The following GNA14 variants were observed in gnomAD, a reference collection of about 807,000 sequenced individuals.
GNA14 encodes G protein subunit alpha 14, also known as guanine nucleotide-binding protein subunit alpha-14.
Under a neutral mutation model 42.0 loss-of-function variants are expected in GNA14, and 50 were observed. The observed-to-expected ratio is 1.19, with a 90% confidence interval of 0.95 to 1.51. GNA14 has a LOEUF of 1.51. Ranked by LOEUF, GNA14 falls within the 40% of genes most tolerant of loss-of-function variation. GNA14 has a pLI of 0.00. For missense variants in GNA14, 473 were observed against 446.2 expected (o/e 1.06, Z -0.54); for synonymous variants, 173 against 163.1 (o/e 1.06, Z -0.46).
rs553134383 is a variant in GNA14 at position 77,540,229 on chromosome 9, AAAT to A, written c.125-10979_125-10977del. Among the ~76,000 whole-genome samples the A allele has an allele frequency of 5.9e-4, 90 of 152,234 alleles. 1 individual carries two copies. Among genetic ancestry groups the A allele is most frequent in the Admixed American group, 2.8e-3 (43 of 15,294 alleles). On this transcript the variant is annotated intron_variant, in intron 1 of 6. Coordinates refer to ENST00000341700, the MANE Select transcript of GNA14 (RefSeq NM_004297.4). ...TTCCATCTTAATTTCTTCATTGACC[AAAT>A]AATGATTCAGTAGTATGTTGTTTAA...
chr9:77,622,334 A>G (rs1176741992), intron 1 of GNA14, among the ~76,000 whole-genome samples: 2 of 152,216 alleles, frequency 1.3e-5, no homozygotes, highest in African/African-American at 2.4e-5. Context: ...CAGCAAAAGA[A>G]TAAGAAATAT....
intron 1 of GNA14, among the ~76,000 whole-genome samples, chr9:77,644,797 G>A (rs1368122516): frequency 6.6e-6 from 1 of 152,146 alleles, no homozygotes; most frequent in Non-Finnish European, 1.5e-5. Context: ...TCACCAATCT[G>A]CATTTAACAG....
chr9:77,479,427 C>T (rs1466803580), intron 2 of GNA14, among the ~76,000 whole-genome samples: 1 of 151,928 alleles, frequency 6.6e-6, no homozygotes, highest in African/African-American at 2.4e-5. Context: ...TTACTGTAGC[C>T]TTGTAGTATA....
chr9:77,517,584 A>C (rs1587812676), intron 2 of GNA14: 1 of 69,314 alleles, frequency 1.4e-5, no homozygotes, highest in Non-Finnish European at 2.8e-5. Context: ...TTATCCTGGT[A>C]CTTTTCTTTT....
At chr9:77,453,018 C>T (rs1184395719) in intron 2 of GNA14, among the ~76,000 whole-genome samples, 1 of 152,014 alleles carries the variant, frequency 6.6e-6, no homozygotes, top group East Asian at 1.9e-4. Flanking sequence ...TGTGTACCTG[C>T]AGTCCCAGCT....
At chr9:77,443,890 G>A (rs948811987) in intron 2 of GNA14, among the ~76,000 whole-genome samples, 3 of 152,220 alleles carry the variant, frequency 2.0e-5, no homozygotes, top group African/African-American at 2.4e-5. Flanking sequence ...GCTGTGGCGG[G>A]AGGATCATTT....
At chr9:77,597,683 G>T (rs2117905995) in intron 1 of GNA14, among the ~76,000 whole-genome samples, 1 of 151,394 alleles carries the variant, frequency 6.6e-6, no homozygotes, top group Admixed American at 6.6e-5. Context: ...TGCACTAAAT[G>T]AATAGAATCT....
intron 1 of GNA14, among the ~76,000 whole-genome samples, chr9:77,535,295 T>C (rs55839013): frequency 0.023 from 3,451 of 152,218 alleles, 159 homozygotes; most frequent in African/African-American, 0.077. Context: ...TCCCAGCACT[T>C]TGGGAGGCGG....
intron 1 of GNA14, among the ~76,000 whole-genome samples, chr9:77,566,019 C>T (rs1473960799): frequency 6.6e-6 from 1 of 152,072 alleles, no homozygotes; most frequent in East Asian, 1.9e-4. Flanking sequence ...TGCTGTTAAA[C>T]ATCTGGCAAT....
intron 1 of GNA14, among the ~76,000 whole-genome samples, chr9:77,634,407 G>C (rs1270020182): frequency 4.1e-5 from 5 of 122,740 alleles, no homozygotes; most frequent in Non-Finnish European, 6.5e-5. Context: ...GTGAGACCCT[G>C]TCTCAAAAAG....
At chr9:77,594,509 C>CA (rs1216846931) in intron 1 of GNA14, among the ~76,000 whole-genome samples, 1 of 152,196 alleles carries the variant, frequency 6.6e-6, no homozygotes, top group Non-Finnish European at 1.5e-5. Context: ...CAAGTATTTA[C>CA]AGGTAGTCTG....
intron 2 of GNA14, among the ~76,000 whole-genome samples, chr9:77,498,212 A>G (rs1417799025): frequency 6.6e-6 from 1 of 152,040 alleles, no homozygotes; most frequent in African/African-American, 2.4e-5. Flanking sequence ...CGCCTCTGCT[A>G]AAAATACAAA....
chr9:77,576,584 C>A (rs1823131201), intron 1 of GNA14, among the ~76,000 whole-genome samples: 1 of 152,012 alleles, frequency 6.6e-6, no homozygotes, highest in Non-Finnish European at 1.5e-5. Flanking sequence ...TGTCAGGGAA[C>A]TCTAATGATT....
At chr9:77,644,452 AAAAAAAAAAAAAG>A (rs1332873233) in intron 1 of GNA14, among the ~76,000 whole-genome samples, 9 of 149,224 alleles carry the variant, frequency 6.0e-5, no homozygotes, top group Non-Finnish European at 1.0e-4. Context: ...AAAAAAAAAA[AAAAAAAAAAAAAG>A]ACACAGGAAT....
intron 2 of GNA14, among the ~76,000 whole-genome samples, chr9:77,483,089 T>C (rs1836587914): frequency 6.6e-6 from 1 of 152,248 alleles, no homozygotes. Flanking sequence ...TTTGTTCCAT[T>C]GCTGGGAGGA....
chr9:77,557,105 G>A (rs569431812), intron 1 of GNA14, among the ~76,000 whole-genome samples: 6 of 152,102 alleles, frequency 3.9e-5, no homozygotes, highest in Non-Finnish European at 8.8e-5. Flanking sequence ...GAACAAACCC[G>A]GGGGTCTAAG....
At chr9:77,472,064 G>C (rs1469592047) in intron 2 of GNA14, among the ~76,000 whole-genome samples, 1 of 152,092 alleles carries the variant, frequency 6.6e-6, no homozygotes, top group Non-Finnish European at 1.5e-5. Context: ...ATTTGACAAA[G>C]TGCTGAATCT....
chr9:77,492,437 G>A (rs1836790598), intron 2 of GNA14, among the ~76,000 whole-genome samples: 1 of 151,862 alleles, frequency 6.6e-6, no homozygotes, highest in African/African-American at 2.4e-5. Flanking sequence ...AAAAAAGAGA[G>A]AGAGAAGATG....
intron 1 of GNA14, among the ~76,000 whole-genome samples, chr9:77,566,656 C>T (rs1309841638): frequency 1.3e-5 from 2 of 152,136 alleles, no homozygotes; most frequent in Non-Finnish European, 1.5e-5. Context: ...AATATGTCCA[C>T]TAAATATTAT....
Sources: allele counts gnomAD v4.1 joint callset (sites outside exome capture counted in the v4.1 genomes callset), GRCh38; gene constraint gnomAD v4.1.1; transcripts MANE v1.5; gene names NCBI Gene and HGNC (gene_info 2026-07-23, HGNC 2026-07-21).